The following MAST1 variants were observed in gnomAD, a reference collection of about 807,000 sequenced individuals.
The protein encoded by MAST1 is microtubule associated serine/threonine kinase 1.
MAST1 carries 40 observed loss-of-function variants against 124.6 expected under a neutral mutation model. The ratio of observed to expected loss-of-function variants is 0.32; its 90% CI spans 0.25 to 0.42. MAST1 has a LOEUF of 0.42. Ranked by LOEUF, MAST1 falls within the 10% of genes least tolerant of loss-of-function variation. The probability of loss-of-function intolerance (pLI) is 1.00; values close to 1 mark genes in which losing one functional copy is unlikely to be tolerated. For synonymous variants in MAST1, 938 were observed against 939.4 expected (o/e 1.00, Z 0.03); for missense variants, 1,558 against 2,181.9 (o/e 0.71, Z 5.70).
chr19:12,860,194 A>C (rs1970063037), intron 12 of MAST1, among the ~76,000 whole-genome samples: 1 of 151,978 alleles, frequency 6.6e-6, no homozygotes, highest in Non-Finnish European at 1.5e-5. Flanking sequence ...AGCTCACTGC[A>C]AGCTCCACCT....
At chr19:12,861,394 A>C (rs1356229967) in intron 12 of MAST1, among the ~76,000 whole-genome samples, 1 of 152,284 alleles carries the variant, frequency 6.6e-6, no homozygotes, top group Non-Finnish European at 1.5e-5. Context: ...CATGAGGTCC[A>C]TGAGGCTGGA....
intron 10 of MAST1, among the ~76,000 whole-genome samples, chr19:12,857,442 C>T (rs1484509663): frequency 2.7e-5 from 4 of 147,588 alleles, no homozygotes; most frequent in East Asian, 2.0e-4. Context: ...GACAGAGTCT[C>T]GCTCTGTCAC....
intron 3 of MAST1, among the ~76,000 whole-genome samples, chr19:12,842,501 C>T (rs1969843137): frequency 6.6e-6 from 1 of 152,118 alleles, no homozygotes; most frequent in African/African-American, 2.4e-5. Context: ...CCAGGTTGGT[C>T]ATGCTGGTCT....
rs775469424 is a variant in MAST1, at chr19:12,858,660, C to T, written c.1287C>T (p.Ala429=). ...TGGAGCGCGATATCCTCACCTTCGCCGAGAACCCGTTTGTGGTCGGCATGT... is the reference window on the plus strand; with the variant it reads ...TGGAGCGCGATATCCTCACCTTCGCTGAGAACCCGTTTGTGGTCGGCATGT... ...AFVERDILTF[A]ENPFVVGMFC... is the part of the protein sequence containing the mutation. Residue 429 remains alanine, a synonymous_variant, in exon 12 of 26, where the codon GCC becomes GCT. Coordinates refer to ENST00000251472, the MANE Select transcript of MAST1 (RefSeq NM_014975.3). The T allele has an allele frequency of 1.9e-6, 3 of 1,614,120 alleles. No individual in the cohort carries two copies. Among genetic ancestry groups the T allele is most frequent in the South Asian group, 2.2e-5 (2 of 91,094 alleles).
At position 12,867,652 on chromosome 19, in the gene MAST1, T is replaced by C; in HGVS notation, c.2318T>C (p.Ile773Thr). Residue 773 changes from isoleucine (I) to threonine (T), a missense_variant and splice_region_variant, in exon 19 of 26, where the codon ATC becomes ACC. Physicochemically the swap from Ile to Thr is moderately conservative, Grantham distance 89. This residue lies in a region of MAST1 where 287 missense variants were observed against 308.0 expected (regional missense o/e 0.93). Transcript: ENST00000251472. ...EKTWRGGSPE[I>T]KRFSASEASF... ...ACCTGGAGAGGGGGCTCTCCGGAGATGTGAGCAGGGGAATGGCGGAGTTTG... is the reference window on the plus strand; with the variant it reads ...ACCTGGAGAGGGGGCTCTCCGGAGACGTGAGCAGGGGAATGGCGGAGTTTG... The C allele has an allele frequency of 1.3e-6, 2 of 1,589,394 alleles. No homozygotes were observed. The highest frequency in any genetic ancestry group is 8.6e-7 in the Non-Finnish European group (1 of 1,168,582).
chr19:12,853,953 T>G (rs1969992440), intron 10 of MAST1, among the ~76,000 whole-genome samples: 1 of 150,704 alleles, frequency 6.6e-6, no homozygotes, highest in Admixed American at 6.6e-5. Flanking sequence ...ATTTAGTAAT[T>G]CACCATGCTG....
rs1022181441 is a variant in MAST1 at position 12,869,356 on chromosome 19, C to T, written c.3003+61C>T. ...GGAGGGTGGTGGGGAAAAGGCCCCT[C>T]CAGCTCAAACCAGTTAGCCTGGGTG... On this transcript the variant is annotated intron_variant, in intron 22 of 25. Coordinates refer to ENST00000251472, the MANE Select transcript of MAST1 (RefSeq NM_014975.3). 31 of 1,365,262 alleles carry T rather than the reference C, an allele frequency of 2.3e-5. No homozygotes were observed. The African/African-American group carries it at 4.0e-4, about 18-fold the overall frequency. The allele number at this position is 1,365,262 out of a possible 1,614,324, so 84.6% of individuals were successfully genotyped here.
chr19:12,867,762 TGGAG>T lies in MAST1; in HGVS notation c.2356_2359del (p.Gly786ArgfsTer112). ...TTCTCCGCGTCCGAGGCCAGTTTCC[TGGAG>T]GGAGAGGCCAGTCCCCCTTTGGGCG... On this transcript the variant is annotated frameshift_variant, in exon 20 of 26. Transcript: ENST00000251472. LOFTEE classifies it high-confidence loss of function. 1 of 1,547,048 alleles carries T rather than the reference TGGAG, an allele frequency of 6.5e-7. No individual in the cohort carries two copies. Among genetic ancestry groups the T allele is most frequent in the Non-Finnish European group, 8.7e-7 (1 of 1,147,268 alleles).
chr19:12,838,660 AC>A lies in MAST1; in HGVS notation c.83+10del, dbSNP rs929321056. 3 of 1,606,478 alleles carry A rather than the reference AC, an allele frequency of 1.9e-6. No individual in the cohort carries two copies. The highest frequency in any genetic ancestry group is 1.7e-6 in the Non-Finnish European group (2 of 1,177,304). On this transcript the variant is annotated splice_donor_region_variant and intron_variant, in intron 1 of 25. Coordinates refer to ENST00000251472, the MANE Select transcript of MAST1 (RefSeq NM_014975.3). The surrounding 1 kb of genome is among the most constrained non-coding windows in gnomAD (Gnocchi z 4.3). ...TATGTTCCGCCGCACCAAGAGGTAGACCCCCGATCCCCTAGACATTGTCCCG... is the reference window on the plus strand; with the variant it reads ...TATGTTCCGCCGCACCAAGAGGTAGACCCCGATCCCCTAGACATTGTCCCG...
intron 10 of MAST1, among the ~76,000 whole-genome samples, chr19:12,852,636 C>G (rs902096369): frequency 6.0e-5 from 9 of 150,950 alleles, no homozygotes; most frequent in Admixed American, 6.0e-4. Context: ...GTCGGGAGTT[C>G]GAGACCAGCC....
rs761319978 is a variant in MAST1, at chr19:12,843,500, G to A, written c.249-29G>A. On this transcript the variant is annotated intron_variant, in intron 3 of 25. Coordinates refer to ENST00000251472, the MANE Select transcript of MAST1 (RefSeq NM_014975.3). The surrounding 1 kb of genome is among the most constrained non-coding windows in gnomAD (Gnocchi z 4.9). ...AGTTGGGGGACCGCTGGGGCCTTGTGGCCTCTGAGCACCTTGGCTGGGTTC... is the reference window on the plus strand; with the variant it reads ...AGTTGGGGGACCGCTGGGGCCTTGTAGCCTCTGAGCACCTTGGCTGGGTTC... 4 of 1,602,110 alleles carry A rather than the reference G, an allele frequency of 2.5e-6. No homozygotes were observed. In the South Asian group the frequency reaches 4.4e-5, roughly 18 times the overall value.
chr19:12,849,296 A>G (rs1481823600), intron 7 of MAST1, among the ~76,000 whole-genome samples: 3 of 151,968 alleles, frequency 2.0e-5, no homozygotes, highest in African/African-American at 7.3e-5. Flanking sequence ...GGAGGCTGAG[A>G]TGGGAGGATT....
At chr19:12,870,360 A>T (rs1404601611) in intron 22 of MAST1, among the ~76,000 whole-genome samples, 1 of 147,238 alleles carries the variant, frequency 6.8e-6, no homozygotes, top group Middle Eastern at 3.3e-3. Context: ...GCGTGGTGGC[A>T]GATGCCTGTA....
In MAST1 at chr19:12,858,392, G is replaced by C; in HGVS notation, c.1108G>C (p.Gly370Arg). Residue 370 changes from glycine to arginine, a missense_variant, in exon 11 of 26, where the codon GGG becomes CGG. Gly to Arg is a moderately radical substitution (Grantham distance 125). This residue lies in a region of MAST1 where 136 missense variants were observed against 160.9 expected (regional missense o/e 0.85). Coordinates refer to ENST00000251472, the MANE Select transcript of MAST1 (RefSeq NM_014975.3). Reference protein sequence around the residue: ...GRSSKAKKPPGENDFDTIKLI... With the variant: ...GRSSKAKKPPRENDFDTIKLI... ...CAGCAGCAAGGCCAAGAAACCGCCG[G>C]GGGAGAATGACTTCGATACCATCAA... 5 of 1,614,016 alleles carry C rather than the reference G, an allele frequency of 3.1e-6. No individual in the cohort carries two copies. The highest frequency in any genetic ancestry group is 4.2e-6 in the Non-Finnish European group (5 of 1,179,978).
Position 12,843,268 on chromosome 19 carries a change from C to T in MAST1, c.249-261C>T, listed in dbSNP as rs1034622339. ...AGGCTTCACTGGGTGGGGGCTTTTC[C>T]AGTTCTCGGTGTCCACTCTGAATGA... On this transcript the variant is annotated intron_variant, in intron 3 of 25. Transcript: ENST00000251472. This position sits in a 1 kb window ranked among gnomAD's most constrained non-coding sequence, Gnocchi z 4.9. 2.0e-5 allele frequency among the ~76,000 whole-genome samples: 3 copies of T among 151,748 alleles called. No homozygotes were observed. The highest frequency in any genetic ancestry group is 7.3e-5 in the African/African-American group (3 of 41,280).
In MAST1 at chr19:12,874,689, C is replaced by G. The variant is rs1459596085; in HGVS notation, c.4532C>G (p.Ser1511Cys). 7 of 1,564,980 alleles carry G rather than the reference C, an allele frequency of 4.5e-6. No individual in the cohort carries two copies. Among genetic ancestry groups the G allele is most frequent in the African/African-American group, 2.7e-5 (2 of 73,922 alleles). ...PKLSPEPQTP[S>C]LAPAKCSAPS... is the part of the protein sequence containing the mutation. ...CTCTCCCCGGAGCCCCAGACACCCT[C>G]CCTAGCCCCAGCGAAGTGCAGTGCA... Residue 1511 changes from serine (S) to cysteine (C), a missense_variant, in exon 26 of 26, where the codon TCC becomes TGC. Ser to Cys is a moderately radical substitution (Grantham distance 112). Transcript: ENST00000251472. This position sits in a 1 kb window ranked among gnomAD's most constrained non-coding sequence, Gnocchi z 6.6.
intron 12 of MAST1, among the ~76,000 whole-genome samples, chr19:12,862,070 T>C (rs973898016): frequency 1.3e-5 from 2 of 149,434 alleles, no homozygotes; most frequent in African/African-American, 2.5e-5. Flanking sequence ...AATGGGGTGA[T>C]CTCGGATTAC....
intron 4 of MAST1, among the ~76,000 whole-genome samples, chr19:12,845,613 G>C (rs1475758526): frequency 6.7e-6 from 1 of 150,268 alleles, no homozygotes; most frequent in Non-Finnish European, 1.5e-5. Context: ...TAAAGCAAGA[G>C]GAGAGCCAGG....
intron 21 of MAST1, 56 bp from the exon 22 acceptor site, chr19:12,869,010 C>A (rs1375477599): frequency 2.5e-6 from 4 of 1,577,952 alleles, no homozygotes; most frequent in African/African-American, 1.3e-5. Flanking sequence ...GGAGCAGATA[C>A]AGGGAGATGT....
Sources: gnomAD v4.1 joint callset for allele counts (sites outside exome capture counted in the v4.1 genomes callset) on GRCh38, gnomAD v4.1.1 for gene constraint, gnomAD v4.1.1 regional missense constraint, Gnocchi (gnomAD v3.1) non-coding constraint, MANE v1.5 for transcripts, NCBI Gene and HGNC (gene_info 2026-07-23, HGNC 2026-07-21) for gene names.